The following KANK1 variants were observed in gnomAD, a reference collection of about 807,000 sequenced individuals.
The protein encoded by KANK1 is KN motif and ankyrin repeat domains 1, also known as KN motif and ankyrin repeat domain-containing protein 1.
A neutral mutation model predicts 106.2 loss-of-function variants in KANK1; 109 were observed. The observed-to-expected ratio is 1.03, with a 90% CI of 0.88 to 1.20. KANK1 has a LOEUF of 1.20. Among genes scored for constraint, KANK1 ranks in the 50% most tolerant of loss-of-function variants. The pLI, the probability that KANK1 is intolerant of heterozygous loss-of-function variation, is 0.00. For missense variants in KANK1, 2,399 were observed against 1,710.7 expected (o/e 1.40, Z -7.10); for synonymous variants, 873 against 652.2 (o/e 1.34, Z -5.16).
intron 1 of KANK1, among the ~76,000 whole-genome samples, chr9:666,121 C>T (rs1204582644): frequency 6.6e-6 from 1 of 151,826 alleles, no homozygotes; most frequent in Non-Finnish European, 1.5e-5. Context: ...ATCAAGACTG[C>T]AGTGCTCACT....
intron 3 of KANK1, among the ~76,000 whole-genome samples, chr9:716,294 A>G (rs900275693): frequency 1.3e-5 from 2 of 152,238 alleles, no homozygotes; most frequent in African/African-American, 4.8e-5. Flanking sequence ...CAATAGGAGT[A>G]AAGCACAGAG....
chr9:663,750 G>C (rs949060296), intron 1 of KANK1, among the ~76,000 whole-genome samples: 5 of 152,190 alleles, frequency 3.3e-5, no homozygotes, highest in Admixed American at 2.6e-4. Flanking sequence ...GAGCCAGCAC[G>C]GGATTCTGAA....
intron 2 of KANK1, among the ~76,000 whole-genome samples, chr9:706,516 T>C (rs1246143144): frequency 6.7e-6 from 1 of 148,894 alleles, no homozygotes; most frequent in African/African-American, 2.5e-5. Flanking sequence ...TGCCACTTGA[T>C]GGTAGGATCT....
intron 1 of KANK1, among the ~76,000 whole-genome samples, chr9:591,327 T>A (rs1824819713): frequency 6.6e-6 from 1 of 151,882 alleles, no homozygotes; most frequent in Non-Finnish European, 1.5e-5. Flanking sequence ...GAAGTAAGAA[T>A]GCCTTGGTAT....
chr9:656,630 G>A (rs1012877564), intron 1 of KANK1, among the ~76,000 whole-genome samples: 1 of 152,012 alleles, frequency 6.6e-6, no homozygotes, highest in African/African-American at 2.4e-5. Context: ...ACTCCCTCCC[G>A]GTGCCTGAAT....
At chr9:640,799 C>T (rs2137131672) in intron 1 of KANK1, among the ~76,000 whole-genome samples, 1 of 151,636 alleles carries the variant, frequency 6.6e-6, no homozygotes, top group East Asian at 2.0e-4. Flanking sequence ...CGGGTCCACA[C>T]CATTCTCCTG....
chr9:590,750 G>A (rs1265629364), intron 1 of KANK1, among the ~76,000 whole-genome samples: 4 of 151,574 alleles, frequency 2.6e-5, no homozygotes, highest in African/African-American at 4.9e-5. Context: ...AGTCACTGCT[G>A]TGTAATTATT....
intron 1 of KANK1, among the ~76,000 whole-genome samples, chr9:552,856 T>C (rs2061361977): frequency 6.6e-6 from 1 of 152,220 alleles, no homozygotes; most frequent in Admixed American, 6.5e-5. Context: ...GAAATGAACA[T>C]GATTGTGGCT....
At chr9:670,637 G>A (rs1342618597) in intron 1 of KANK1, among the ~76,000 whole-genome samples, 1 of 152,116 alleles carries the variant, frequency 6.6e-6, no homozygotes, top group East Asian at 1.9e-4. Flanking sequence ...CTGATTTGGC[G>A]TCTCCTTTGG....
intron 1 of KANK1, among the ~76,000 whole-genome samples, chr9:592,116 G>A (rs1358035588): frequency 6.6e-6 from 1 of 151,812 alleles, no homozygotes; most frequent in Non-Finnish European, 1.5e-5. Context: ...GGAAGAAATT[G>A]TAGGAAAAGA....
At chr9:582,435 G>A (rs2135334124) in intron 1 of KANK1, among the ~76,000 whole-genome samples, 1 of 152,186 alleles carries the variant, frequency 6.6e-6, no homozygotes, top group South Asian at 2.1e-4. Context: ...CTGGCAATGG[G>A]TAGTCTAGTT....
At chr9:491,913 G>C (rs1407527053) in intron 3 of KANK1, among the ~76,000 whole-genome samples, 1 of 152,170 alleles carries the variant, frequency 6.6e-6, no homozygotes, top group Non-Finnish European at 1.5e-5. Context: ...TCTTTGCCTG[G>C]TGCCATCCAA....
chr9:600,739 C>G (rs1226277621), intron 1 of KANK1, among the ~76,000 whole-genome samples: 2 of 151,726 alleles, frequency 1.3e-5, no homozygotes, highest in African/African-American at 4.9e-5. Context: ...TTTTAAATAG[C>G]TTTGGATTTT....
In KANK1 at chr9:712,923, A is replaced by C; in HGVS notation, c.2157A>C (p.Val719=). The change falls in exon 3 of 12, where the codon GTA becomes GTC. Residue 719 remains valine, a synonymous_variant. Coordinates refer to ENST00000382297, the MANE Select transcript of KANK1 (RefSeq NM_015158.5). ...TQTVETRTVA[V]GEGRVKDINS... ...CTGTGGAGACGCGGACAGTAGCTGT[A>C]GGAGAAGGCCGTGTCAAGGACATCA... 6.2e-7 allele frequency: 1 copy of C among 1,614,164 alleles called. No homozygotes were observed.
intron 1 of KANK1, among the ~76,000 whole-genome samples, chr9:648,550 C>T (rs1840221247): frequency 2.0e-5 from 3 of 152,006 alleles, no homozygotes; most frequent in South Asian, 2.1e-4. Context: ...AGGCTCTGAG[C>T]GCGAGGCTCT....
intron 2 of KANK1, chr9:684,423 A>G: frequency 2.0e-6 from 2 of 985,406 alleles, no homozygotes; most frequent in Non-Finnish European, 2.4e-6. Flanking sequence ...CACATACAAA[A>G]TAAACACCCA....
At chr9:695,613 G>C (rs570518312) in intron 2 of KANK1, among the ~76,000 whole-genome samples, 3 of 149,040 alleles carry the variant, frequency 2.0e-5, no homozygotes, top group East Asian at 2.1e-4. Context: ...CTTCGTGGGG[G>C]GGGGGGCAAG....
chr9:558,680 C>G (rs1478497002), intron 1 of KANK1: 1 of 144,092 alleles, frequency 6.9e-6, no homozygotes, highest in Non-Finnish European at 1.5e-5. Context: ...CACCAAGAAA[C>G]CCACAAAAAT....
chr9:568,308 A>T (rs1037292904), intron 1 of KANK1, among the ~76,000 whole-genome samples: 7 of 152,194 alleles, frequency 4.6e-5, no homozygotes, highest in African/African-American at 1.4e-4. Flanking sequence ...CCAGTTTTCA[A>T]CCTAACTTTA....
Sources: allele counts gnomAD v4.1 joint callset (sites outside exome capture counted in the v4.1 genomes callset), GRCh38; gene constraint gnomAD v4.1.1; transcripts MANE v1.5; gene names NCBI Gene and HGNC (gene_info 2026-07-23, HGNC 2026-07-21).